RBFOX1: variants seen among roughly 807,000 people sequenced by gnomAD.
RBFOX1 encodes the protein RNA binding protein fox-1 homolog 1.
A neutral mutation model predicts 57.7 loss-of-function variants in RBFOX1; 8 were observed. The ratio of observed to expected loss-of-function variants is 0.14; its 90% CI spans 0.08 to 0.25. The LOEUF (loss-of-function observed/expected upper bound fraction) is 0.25. RBFOX1 is among the 10% of genes least tolerant of loss of function. The pLI is 1.00. For synonymous variants in RBFOX1, 326 were observed against 222.4 expected, an observed-to-expected ratio of 1.47 and a Z score of -4.15; for missense variants, 611 against 548.5, an observed-to-expected ratio of 1.11 and a Z score of -1.14.
intron 4 of RBFOX1, among the ~76,000 whole-genome samples, chr16:7,266,958 C>A (rs945645385): frequency 6.6e-6 from 1 of 151,924 alleles, no homozygotes; most frequent in Non-Finnish European, 1.5e-5. Context: ...GAGAGAAGAT[C>A]ATGTTCAAAA....
intron 1 of RBFOX1, among the ~76,000 whole-genome samples, chr16:6,166,277 A>G (rs1379121029): frequency 6.6e-6 from 1 of 152,080 alleles, no homozygotes. Context: ...CTCTATGCAC[A>G]TAAGGACTCT....
intron 4 of RBFOX1, among the ~76,000 whole-genome samples, chr16:7,194,034 A>G (rs1483373254): frequency 2.0e-5 from 3 of 152,214 alleles, no homozygotes; most frequent in South Asian, 4.1e-4. Context: ...TTAGACGGGT[A>G]TACATGATGC....
intron 3 of RBFOX1, among the ~76,000 whole-genome samples, chr16:6,738,114 C>T (rs1310586471): frequency 6.7e-6 from 1 of 149,142 alleles, no homozygotes; most frequent in Non-Finnish European, 1.5e-5. Context: ...TTCCTCTTGT[C>T]AAGATGGTGT....
chr16:6,908,929 A>G (rs1229175397), intron 3 of RBFOX1, among the ~76,000 whole-genome samples: 1 of 152,124 alleles, frequency 6.6e-6, no homozygotes, highest in African/African-American at 2.4e-5. Flanking sequence ...TGCTAGGATA[A>G]TTTGGCATAA....
At chr16:7,644,161 G>C (rs966181996) in intron 11 of RBFOX1, among the ~76,000 whole-genome samples, 4 of 152,264 alleles carry the variant, frequency 2.6e-5, no homozygotes, top group African/African-American at 9.6e-5. Context: ...ATAGGCTTTG[G>C]TGTCAGGCTG....
Position 6,565,364 on chromosome 16 carries a change from T to G in RBFOX1, c.-63-89239T>G, listed in dbSNP as rs563402670. Among the ~76,000 whole-genome samples the G allele has an allele frequency of 9.2e-4, 140 of 152,146 alleles. 1 individual carries two copies. The highest frequency in any genetic ancestry group is 3.3e-3 in the African/African-American group (137 of 41,530). On this transcript the variant is annotated intron_variant, in intron 2 of 15. Transcript: ENST00000550418. ...CTCCATCTCCCAGATTCAAGCTGATTCTCCTGCCTCAGCCTCCCAAGTAGC... is the reference window on the plus strand; with the variant it reads ...CTCCATCTCCCAGATTCAAGCTGATGCTCCTGCCTCAGCCTCCCAAGTAGC...
chr16:7,293,593 C>T (rs980464066), intron 4 of RBFOX1, among the ~76,000 whole-genome samples: 8 of 152,070 alleles, frequency 5.3e-5, no homozygotes, highest in African/African-American at 1.9e-4. Context: ...ACTCGCAGGC[C>T]AGATGAGGTT....
At chr16:7,660,190 G>C (rs1330712027) in intron 12 of RBFOX1, among the ~76,000 whole-genome samples, 1 of 151,930 alleles carries the variant, frequency 6.6e-6, no homozygotes, top group Non-Finnish European at 1.5e-5. Context: ...GTCACTCCCT[G>C]CTCGCATTCA....
intron 2 of RBFOX1, among the ~76,000 whole-genome samples, chr16:6,418,863 G>A (rs2093698668): frequency 1.3e-5 from 2 of 152,040 alleles, no homozygotes; most frequent in Non-Finnish European, 2.9e-5. Context: ...TCCTTCACTG[G>A]GGCTTTCTCC....
chr16:7,480,460 A>G (rs1296222984), intron 4 of RBFOX1, among the ~76,000 whole-genome samples: 2 of 152,232 alleles, frequency 1.3e-5, no homozygotes, highest in Admixed American at 1.3e-4. Flanking sequence ...GACATTTGAG[A>G]ACAGTAAATG....
At chr16:6,125,518 C>A (rs559431617) in intron 1 of RBFOX1, among the ~76,000 whole-genome samples, 2 of 152,258 alleles carry the variant, frequency 1.3e-5, no homozygotes, top group African/African-American at 2.4e-5. Flanking sequence ...CTGAGGATAA[C>A]CCTTGGAGAG....
chr16:7,575,605 C>T (rs1402625894), intron 5 of RBFOX1, among the ~76,000 whole-genome samples: 1 of 152,152 alleles, frequency 6.6e-6, no homozygotes, highest in East Asian at 1.9e-4. Context: ...TCCCTAGAGC[C>T]TCTAGAGGAA....
chr16:7,335,800 A>G (rs1250284320), intron 4 of RBFOX1, among the ~76,000 whole-genome samples: 2 of 152,154 alleles, frequency 1.3e-5, no homozygotes, highest in Non-Finnish European at 2.9e-5. Context: ...CAGAATCTTT[A>G]TCATATTGGA....
chr16:6,103,076 A>T (rs2096334087), intron 1 of RBFOX1, among the ~76,000 whole-genome samples: 1 of 152,196 alleles, frequency 6.6e-6, no homozygotes, highest in African/African-American at 2.4e-5. Flanking sequence ...GAAGTTGGAC[A>T]CTTGTTGGTG....
rs1278160726 is a variant in RBFOX1 at position 6,859,146 on chromosome 16, T to C, written c.-15-192911T>C. Among the ~76,000 whole-genome samples, 58 of 88,108 alleles carry C rather than the reference T, an allele frequency of 6.6e-4. 1 individual carries two copies. Among genetic ancestry groups the C allele is most frequent in the African/African-American group, 3.1e-3 (51 of 16,712 alleles). The allele number at this position is 88,108 out of a possible 152,430, so 57.8% of individuals were successfully genotyped here. A position where few individuals can be genotyped will look rare whatever the true frequency, so the allele number is the denominator to read the frequency against. ...ATATATATACATATATATACGTATATATATATGTATATATATACGTATATA... is the reference window on the plus strand; with the variant it reads ...ATATATATACATATATATACGTATACATATATGTATATATATACGTATATA... On this transcript the variant is annotated intron_variant, in intron 3 of 15. Transcript: ENST00000550418.
intron 1 of RBFOX1, among the ~76,000 whole-genome samples, chr16:5,345,253 A>G (rs1264756238): frequency 2.0e-5 from 3 of 152,150 alleles, no homozygotes; most frequent in South Asian, 4.1e-4. Context: ...GCAGCCCCAG[A>G]GGCCTCTTGT....
chr16:6,921,643 ATATT>A (rs1363991540), intron 3 of RBFOX1, among the ~76,000 whole-genome samples: 892 of 34,520 alleles, frequency 0.026, 10 homozygotes, highest in African/African-American at 0.057. Context: ...ATATATATAT[ATATT>A]TTTTTTTTTC....
chr16:5,512,395 T>G (rs574097430), intron 2 of RBFOX1, among the ~76,000 whole-genome samples: 1 of 150,502 alleles, frequency 6.6e-6, no homozygotes, highest in South Asian at 2.1e-4. Context: ...TCCTCTCTTC[T>G]TCTTCCTCCT....
intron 2 of RBFOX1, among the ~76,000 whole-genome samples, chr16:6,584,362 A>G (rs2097577120): frequency 6.8e-6 from 1 of 147,136 alleles, no homozygotes; most frequent in Non-Finnish European, 1.5e-5. Flanking sequence ...TATTATTATT[A>G]TTATTATTAT....
Sources: gnomAD v4.1 joint callset for allele counts (sites outside exome capture counted in the v4.1 genomes callset) on GRCh38, gnomAD v4.1.1 for gene constraint, MANE v1.5 for transcripts, NCBI Gene and HGNC (gene_info 2026-07-23, HGNC 2026-07-21) for gene names.